The following KRR1 variants were observed in gnomAD, a reference collection of about 807,000 sequenced individuals.
The protein encoded by KRR1 is KRR1 small subunit processome component, also known as KRR1 small subunit processome component homolog.
Under a neutral mutation model 50.0 loss-of-function variants are expected in KRR1, and 23 were observed. That is an observed-to-expected ratio of 0.46 (90% confidence interval 0.33 to 0.65). The LOEUF is 0.65. KRR1 is among the 30% of genes least tolerant of loss of function. The pLI is 0.02. For missense variants in KRR1, 419 were observed against 442.4 expected (o/e 0.95, Z 0.47); for synonymous variants, 133 against 146.3 (o/e 0.91, Z 0.66).
At position 75,505,266 on chromosome 12, in the gene KRR1, A is replaced by T; in HGVS notation, c.604-12T>A. 6.4e-7 allele frequency: 1 copy of T among 1,568,028 alleles called. No homozygotes were observed. The highest frequency in any genetic ancestry group is 1.2e-5 in the South Asian group (1 of 85,726). ...ACTACTTTTCTAACCTGAAATTTGC[A>T]AAGAAAAATGAATTAGTCACAAGGA... On this transcript the variant is annotated splice_polypyrimidine_tract_variant and intron_variant, in intron 5 of 9. Transcript: ENST00000229214.
rs2046371677 is a variant in KRR1, at chr12:75,499,062, C to G, written c.*747G>C. 1 of 833,274 alleles carries G rather than the reference C, an allele frequency of 1.2e-6. No individual in the cohort carries two copies. The highest frequency in any genetic ancestry group is 2.2e-5 in the South Asian group (1 of 45,516). The allele number at this position is 833,274 out of a possible 1,614,324, so 51.6% of individuals were successfully genotyped here. The stretch of plus-strand genomic sequence containing the variant: ...TAACCAATAACAATTAGGTGTACTT[C>G]TATTTTAAAACATTTCAGAAAAAAA... On this transcript the variant is annotated 3_prime_UTR_variant, in exon 10 of 10. Transcript: ENST00000229214.
Position 75,506,388 on chromosome 12 carries a change from G to A in KRR1, c.531C>T (p.Leu177=), listed in dbSNP as rs113628928. Reference sequence around the variant, plus strand: ...GAACCATAATGTAACAATTAGTTAAGAGTTCCAATGCCTGTATCAAGAGAT... The same window carrying A: ...GAACCATAATGTAACAATTAGTTAAAAGTTCCAATGCCTGTATCAAGAGAT... ...PKGSTLKALE[L]LTNCYIMVQG... Residue 177 remains leucine, a synonymous_variant, in exon 5 of 10, where the codon CTC becomes CTT. Transcript: ENST00000229214. 8.7e-6 allele frequency: 14 copies of A among 1,611,416 alleles called. No homozygotes were observed. The African/African-American group carries it at 1.7e-4, about 20-fold the overall frequency.
Position 75,498,777 on chromosome 12 carries a change from A to G in KRR1, c.*1032T>C. 6.2e-7 allele frequency: 1 copy of G among 1,607,260 alleles called. No homozygotes were observed. The highest frequency in any genetic ancestry group is 8.5e-7 in the Non-Finnish European group (1 of 1,173,990). On this transcript the variant is annotated 3_prime_UTR_variant, in exon 10 of 10. Coordinates refer to ENST00000229214, the MANE Select transcript of KRR1 (RefSeq NM_007043.7). ...AGAGCTATGTGAATTCTGTCAGTGC[A>G]TTATGAGGAACAATGTCTAAGAGGA...
Position 75,491,040 on chromosome 12 carries a change from A to T in KRR1, c.*8769T>A. 6.6e-6 allele frequency: 1 copy of T among 152,454 alleles called. No individual in the cohort carries two copies. The highest frequency in any genetic ancestry group is 2.4e-5 in the African/African-American group (1 of 41,464). 9.4% of individuals were successfully genotyped at this position (152,454 alleles called of 1,614,324 possible). A position where few individuals can be genotyped will look rare whatever the true frequency, so the allele number is the denominator to read the frequency against. On this transcript the variant is annotated 3_prime_UTR_variant, in exon 10 of 10. Transcript: ENST00000229214. ...CCTCCTACTTTCTTTAAACTTACAT[A>T]TGTGTGCTTGTGTCATACACATATT...
chr12:75,508,590 C>T, intron 1 of KRR1, 144 bp from the exon 2 acceptor site: 1 of 517,168 alleles, frequency 1.9e-6, no homozygotes, highest in East Asian at 3.3e-5. Context: ...TTCCTTTTCC[C>T]CTGCTTTTTA....
In KRR1 at chr12:75,511,583, C is replaced by G. The variant is rs781763051; in HGVS notation, c.15G>C (p.Ser5=). The G allele has an allele frequency of 7.4e-6, 12 of 1,614,054 alleles. No individual in the cohort carries two copies. The highest frequency in any genetic ancestry group is 1.0e-5 in the Non-Finnish European group (12 of 1,179,934). The part of the protein sequence containing the change: MASP[S]LERPEKGAGK... ...CAGCGCCTTTTTCTGGCCGCTCCAG[C>G]GAGGGAGACGCCATTTGCAAGCTGC... Residue 5 remains serine (S), a synonymous_variant, in exon 1 of 10, where the codon TCG becomes TCC. Transcript: ENST00000229214.
intron 7 of KRR1, chr12:75,503,139 G>T: frequency 6.6e-6 from 1 of 152,264 alleles, no homozygotes. Flanking sequence ...AGAAGAGGCT[G>T]ATGCAGGTGG....
chr12:75,502,769 A>G (rs1271567872), intron 7 of KRR1: 3 of 152,168 alleles, frequency 2.0e-5, no homozygotes, highest in East Asian at 3.9e-4. Context: ...CAAGAAGCTT[A>G]CACAGCTACA....
intron 1 of KRR1, among the ~76,000 whole-genome samples, chr12:75,510,206 C>T (rs1027364666): frequency 2.6e-5 from 4 of 152,138 alleles, no homozygotes; most frequent in African/African-American, 9.7e-5. Flanking sequence ...GGGAACAAAA[C>T]TGACACTAGC....
At position 75,495,542 on chromosome 12, in the gene KRR1, A is replaced by G. The variant is rs2046345025; in HGVS notation, c.*4267T>C. 9 of 1,265,958 alleles carry G rather than the reference A, an allele frequency of 7.1e-6. No homozygotes were observed. The highest frequency in any genetic ancestry group is 1.0e-5 in the Non-Finnish European group (9 of 869,234). The allele number at this position is 1,265,958 out of a possible 1,614,324, so 78.4% of individuals were successfully genotyped here. On this transcript the variant is annotated 3_prime_UTR_variant, in exon 10 of 10. Transcript: ENST00000229214. Reference sequence around the variant, plus strand: ...TAAATTGCAATTTTAAAAAACCGAAAAACTTCTAATGGACATCCTTCTTCT... The same window carrying G: ...TAAATTGCAATTTTAAAAAACCGAAGAACTTCTAATGGACATCCTTCTTCT...
chr12:75,506,615 G>GAAA lies in KRR1; in HGVS notation c.394-7_394-6insTTT. On this transcript the variant is annotated splice_polypyrimidine_tract_variant and splice_region_variant and intron_variant, in intron 3 of 9. Transcript: ENST00000229214. ...TCCTGAAGAATTCGTACTGCCTTTTGCAAAAAAAAAAAAAAAAAGAAGACA... is the reference window on the plus strand; with the variant it reads ...TCCTGAAGAATTCGTACTGCCTTTTGAAACAAAAAAAAAAAAAAAAAGAAGACA... 9.8e-6 allele frequency: 12 copies of GAAA among 1,229,558 alleles called. No homozygotes were observed. The South Asian group carries it at 9.9e-5, about 10-fold the overall frequency. 76.2% of individuals were successfully genotyped at this position (1,229,558 alleles called of 1,614,324 possible). A position where few individuals can be genotyped will look rare whatever the true frequency, so the allele number is the denominator to read the frequency against.
At chr12:75,505,401 G>T in intron 5 of KRR1, 147 bp from the exon 6 acceptor site, 1 of 740,384 alleles carries the variant, frequency 1.4e-6, no homozygotes, top group Non-Finnish European at 2.1e-6. Flanking sequence ...GCTCTGAGTG[G>T]CTTCTCCATC....
chr12:75,497,191 A>G lies in KRR1; in HGVS notation c.*2618T>C, dbSNP rs1036193799. 2 of 152,288 alleles carry G rather than the reference A, an allele frequency of 1.3e-5. No individual in the cohort carries two copies. The highest frequency in any genetic ancestry group is 3.4e-3 in the Middle Eastern group (1 of 294). The allele number at this position is 152,288 out of a possible 1,614,324, so 9.4% of individuals were successfully genotyped here. A position where few individuals can be genotyped will look rare whatever the true frequency, so the allele number is the denominator to read the frequency against. ...TCTATTTTTTTCAACGAAACAACCC[A>G]GTGAAAAAAATGTTTCCCTTTAAAA... On this transcript the variant is annotated 3_prime_UTR_variant, in exon 10 of 10. Transcript: ENST00000229214.
At position 75,491,874 on chromosome 12, in the gene KRR1, T is replaced by A. The variant is rs1398837944; in HGVS notation, c.*7935A>T. On this transcript the variant is annotated 3_prime_UTR_variant, in exon 10 of 10. Transcript: ENST00000229214. ...AATTTGTTGCCTTTGAATTTTTGGA[T>A]TCCTGGAGATTGGCTGAAAGAAAGC... 1 of 152,184 alleles carries A rather than the reference T, an allele frequency of 6.6e-6. No homozygotes were observed. The highest frequency in any genetic ancestry group is 1.5e-5 in the Non-Finnish European group (1 of 68,030). The allele number at this position is 152,184 out of a possible 1,614,324, so 9.4% of individuals were successfully genotyped here.
rs1038948634 is a variant in KRR1, at chr12:75,493,802, C to G, written c.*6007G>C. ...CCCATCTAGACAAATCCAGGCCTTT[C>G]CAGTAGCATGTTTCTCCCAAGATGA... On this transcript the variant is annotated 3_prime_UTR_variant, in exon 10 of 10. Transcript: ENST00000229214. The G allele has an allele frequency of 6.6e-6, 1 of 152,202 alleles. No individual in the cohort carries two copies. Among genetic ancestry groups the G allele is most frequent in the Non-Finnish European group, 1.5e-5 (1 of 68,050 alleles). 9.4% of individuals were successfully genotyped at this position (152,202 alleles called of 1,614,324 possible). A position where few individuals can be genotyped will look rare whatever the true frequency, so the allele number is the denominator to read the frequency against.
In KRR1 at chr12:75,506,891, A is replaced by C. The variant is rs780127865; in HGVS notation, c.284T>G (p.Ile95Ser). The change falls in exon 3 of 10, where the codon ATC (isoleucine) becomes AGC (serine). Residue 95 changes from isoleucine to serine, a missense_variant. Ile to Ser is a moderately radical substitution (Grantham distance 142). Transcript: ENST00000229214. ...AGTACAAACAGTCATGCTGCCTTCGATCAGGTCCAGGGTTGCATTAACATG... is the reference window on the plus strand; with the variant it reads ...AGTACAAACAGTCATGCTGCCTTCGCTCAGGTCCAGGGTTGCATTAACATG... ...EHHVNATLDL[I>S]EGSMTVCTTK... 1 of 1,612,580 alleles carries C rather than the reference A, an allele frequency of 6.2e-7. No homozygotes were observed. The highest frequency in any genetic ancestry group is 1.7e-5 in the Admixed American group (1 of 59,716).
rs374132123 is a variant in KRR1, at chr12:75,498,713, A to C, written c.*1096T>G. On this transcript the variant is annotated 3_prime_UTR_variant, in exon 10 of 10. Coordinates refer to ENST00000229214, the MANE Select transcript of KRR1 (RefSeq NM_007043.7). ...TTACAGTTAACCGACAGCGAGACCA[A>C]GTCAAACGTACGTACATCAATCTTA... The C allele has an allele frequency of 6.8e-6, 11 of 1,612,950 alleles. No homozygotes were observed. In the African/African-American group the frequency reaches 1.2e-4, roughly 18 times the overall value.
In KRR1 at chr12:75,493,088, A is replaced by G. The variant is rs1215793041; in HGVS notation, c.*6721T>C. The G allele has an allele frequency of 6.6e-6, 1 of 152,162 alleles. No individual in the cohort carries two copies. Among genetic ancestry groups the G allele is most frequent in the Non-Finnish European group, 1.5e-5 (1 of 68,026 alleles). The allele number at this position is 152,162 out of a possible 1,614,324, so 9.4% of individuals were successfully genotyped here. A position where few individuals can be genotyped will look rare whatever the true frequency, so the allele number is the denominator to read the frequency against. Reference sequence around the variant, plus strand: ...CAGAGACTGGTGCCCTCGGTCTGCTAAACAGATGAAACGGGGGGAGGAAGG... The same window carrying G: ...CAGAGACTGGTGCCCTCGGTCTGCTGAACAGATGAAACGGGGGGAGGAAGG... On this transcript the variant is annotated 3_prime_UTR_variant, in exon 10 of 10. Transcript: ENST00000229214.
Position 75,497,758 on chromosome 12 carries a change from T to C in KRR1, c.*2051A>G, listed in dbSNP as rs768688737. ...CTCCTAGATACTGCTGGTAGTTCAATAAATACCCTTGGAGGCCAAATCAGG... is the reference window on the plus strand; with the variant it reads ...CTCCTAGATACTGCTGGTAGTTCAACAAATACCCTTGGAGGCCAAATCAGG... On this transcript the variant is annotated 3_prime_UTR_variant, in exon 10 of 10. Coordinates refer to ENST00000229214, the MANE Select transcript of KRR1 (RefSeq NM_007043.7). 2.0e-5 allele frequency: 3 copies of C among 152,166 alleles called. No individual in the cohort carries two copies. Among genetic ancestry groups the C allele is most frequent in the Non-Finnish European group, 2.9e-5 (2 of 68,030 alleles). The allele number at this position is 152,166 out of a possible 1,614,324, so 9.4% of individuals were successfully genotyped here.
Sources: gnomAD v4.1 joint callset for allele counts (sites outside exome capture counted in the v4.1 genomes callset) on GRCh38, gnomAD v4.1.1 for gene constraint, MANE v1.5 for transcripts, NCBI Gene and HGNC (gene_info 2026-07-23, HGNC 2026-07-21) for gene names.